The following EML6 variants were observed in gnomAD, a reference collection of about 807,000 sequenced individuals.
EML6 encodes the protein EMAP like 6.
A neutral mutation model predicts 240.1 loss-of-function variants in EML6; 154 were observed. The ratio of observed to expected loss-of-function variants is 0.64; its 90% confidence interval spans 0.56 to 0.73. EML6 has a LOEUF of 0.73. Among genes scored for constraint, EML6 ranks in the 30% least tolerant of loss-of-function variants. The pLI, the probability that EML6 is intolerant of heterozygous loss-of-function variation, is 0.00. For missense variants in EML6, 2,964 were observed against 2,474.6 expected (o/e 1.20, Z -4.20); for synonymous variants, 1,148 against 899.0 (o/e 1.28, Z -4.95).
At chr2:54,967,159 C>T (rs1266824190) in intron 39 of EML6, 56 bp downstream of exon 39, 1 of 1,151,412 alleles carries the variant, frequency 8.7e-7, no homozygotes, top group African/African-American at 1.5e-5. Context: ...TCTCTTGTCT[C>T]ACTCAGGCTC....
Position 54,891,146 on chromosome 2 carries a change from A to G in EML6, c.2531A>G (p.Gln844Arg). 2 of 1,464,528 alleles carry G rather than the reference A, an allele frequency of 1.4e-6. No individual in the cohort carries two copies. The highest frequency in any genetic ancestry group is 1.8e-6 in the Non-Finnish European group (2 of 1,081,592). The allele number at this position is 1,464,528 out of a possible 1,614,324, so 90.7% of individuals were successfully genotyped here. A position where few individuals can be genotyped will look rare whatever the true frequency, so the allele number is the denominator to read the frequency against. Residue 844 changes from glutamine (Q) to arginine (R), a missense_variant, in exon 18 of 42, where the codon CAA becomes CGA. Transcript: ENST00000356458. ...GGGATAAAACACATCAAATTCTGGC[A>G]ACAAGCAGGTACTGTCGTTTGGGTT... The part of the protein sequence containing the change: ...TVGIKHIKFW[Q>R]QAGGGFTSKR...
At position 54,964,667 on chromosome 2, in the gene EML6, C is replaced by A. The variant is rs1263681393; in HGVS notation, c.5427C>A (p.Gly1809=). Residue 1809 remains glycine, a synonymous_variant, in exon 38 of 42, where the codon GGC becomes GGA. Coordinates refer to ENST00000356458, the MANE Select transcript of EML6 (RefSeq NM_001039753.4). ...AGGGCACAAATCTGAACCGCATTGG[C>A]TACTGCAAAGATATCCCAAGCTTTG... ...LTQGTNLNRI[G]YCKDIPSFVI... is the part of the protein sequence containing the mutation. The A allele has an allele frequency of 3.2e-6, 5 of 1,552,328 alleles. No homozygotes were observed. The highest frequency in any genetic ancestry group is 1.7e-4 in the Middle Eastern group (1 of 5,998).
At chr2:54,901,291 G>C (rs1049911462) in intron 22 of EML6, among the ~76,000 whole-genome samples, 1 of 152,306 alleles carries the variant, frequency 6.6e-6, no homozygotes, top group Middle Eastern at 3.4e-3. Flanking sequence ...ATTTCCCTCT[G>C]CCGTGTTGCC....
intron 2 of EML6, among the ~76,000 whole-genome samples, chr2:54,801,986 T>C (rs2567971): frequency 0.85 from 129,662 of 152,216 alleles, 55,337 homozygotes; most frequent in Middle Eastern, 0.92. Flanking sequence ...ATGCCTGTGT[T>C]GTTGAATGTG....
intron 2 of EML6, among the ~76,000 whole-genome samples, chr2:54,769,076 T>C (rs1668305128): frequency 6.6e-6 from 1 of 152,140 alleles, no homozygotes. Flanking sequence ...TTTTGATTAA[T>C]CAAAATACAA....
chr2:54,946,251 G>T (rs1675689877), intron 28 of EML6, among the ~76,000 whole-genome samples: 1 of 151,998 alleles, frequency 6.6e-6, no homozygotes, highest in East Asian at 1.9e-4. Flanking sequence ...AGGCCCCTTT[G>T]TGTCTCTGCT....
At chr2:54,834,809 C>T (rs1669049808) in intron 7 of EML6, among the ~76,000 whole-genome samples, 1 of 152,232 alleles carries the variant, frequency 6.6e-6, no homozygotes, top group African/African-American at 2.4e-5. Flanking sequence ...CTTCTCTGGT[C>T]AGGCCACCAC....
chr2:54,823,091 A>C (rs926366931), intron 5 of EML6, among the ~76,000 whole-genome samples: 1 of 152,234 alleles, frequency 6.6e-6, no homozygotes, highest in Admixed American at 6.5e-5. Context: ...TTGAGTTTGT[A>C]CTAGGTGAAA....
intron 10 of EML6, 73 bp downstream of exon 10, chr2:54,850,291 G>T (rs927825852): frequency 1.5e-6 from 2 of 1,338,726 alleles, no homozygotes; most frequent in African/African-American, 2.9e-5. Flanking sequence ...TACAGGACAA[G>T]TGTCATGGCT....
chr2:54,914,839 A>T (rs1673826031), intron 25 of EML6, among the ~76,000 whole-genome samples: 1 of 152,206 alleles, frequency 6.6e-6, no homozygotes, highest in Admixed American at 6.5e-5. Flanking sequence ...TTACCCAGCA[A>T]ATTGTTAAAA....
intron 41 of EML6, among the ~76,000 whole-genome samples, chr2:54,969,141 A>G (rs750459932): frequency 2.6e-5 from 4 of 152,324 alleles, no homozygotes; most frequent in East Asian, 3.9e-4. Flanking sequence ...AAATTCATCT[A>G]TATGTCCTTT....
chr2:54,792,807 T>TA (rs1159146438), intron 2 of EML6, among the ~76,000 whole-genome samples: 15 of 152,332 alleles, frequency 9.8e-5, no homozygotes, highest in African/African-American at 3.6e-4. Flanking sequence ...AAGGGCCTTT[T>TA]AAGGAGATTG....
chr2:54,814,525 T>G (rs577404586), intron 3 of EML6, among the ~76,000 whole-genome samples: 166 of 152,336 alleles, frequency 1.1e-3, no homozygotes, highest in Non-Finnish European at 1.5e-3. Context: ...CCGTTTCCTG[T>G]GCCACCCTTC....
Position 54,847,522 on chromosome 2 carries a change from C to T in EML6, c.1086C>T (p.Arg362=), listed in dbSNP as rs1299399867. 2 of 1,551,914 alleles carry T rather than the reference C, an allele frequency of 1.3e-6. No homozygotes were observed. Among genetic ancestry groups the T allele is most frequent in the Non-Finnish European group, 1.7e-6 (2 of 1,147,090 alleles). Residue 362 remains arginine, a synonymous_variant, in exon 9 of 42, where the codon CGC becomes CGT. Transcript: ENST00000356458. ...WSLADHALIA[R]CNMEEAVRSV... ...TGGCTGATCATGCCTTGATCGCCCGCTGTAACATGGAAGAGGCGGTTCGCA... is the reference window on the plus strand; with the variant it reads ...TGGCTGATCATGCCTTGATCGCCCGTTGTAACATGGAAGAGGCGGTTCGCA...
chr2:54,912,059 C>A (rs372030731), intron 25 of EML6, among the ~76,000 whole-genome samples: 1 of 152,206 alleles, frequency 6.6e-6, no homozygotes, highest in Admixed American at 6.5e-5. Context: ...GCCTCTCCCT[C>A]GCTTCAGTTT....
At chr2:54,741,853 G>T (rs990046093) in intron 2 of EML6, among the ~76,000 whole-genome samples, 6 of 152,178 alleles carry the variant, frequency 3.9e-5, no homozygotes, top group Non-Finnish European at 1.5e-5. Flanking sequence ...TCCTTGTATA[G>T]AAAGCCAAGT....
At chr2:54,840,493 T>G (rs988282161) in intron 7 of EML6, among the ~76,000 whole-genome samples, 1 of 152,254 alleles carries the variant, frequency 6.6e-6, no homozygotes, top group African/African-American at 2.4e-5. Context: ...CTTTTTCAAA[T>G]GTAATCTTCA....
intron 21 of EML6, among the ~76,000 whole-genome samples, chr2:54,898,390 A>G (rs529379920): frequency 6.6e-6 from 1 of 152,298 alleles, no homozygotes; most frequent in East Asian, 1.9e-4. Flanking sequence ...AAGAGCTTCA[A>G]GCAGAGTCAG....
chr2:54,903,381 A>G lies in EML6; in HGVS notation c.3288A>G (p.Lys1096=), dbSNP rs1427481664. The G allele has an allele frequency of 1.3e-6, 2 of 1,551,476 alleles. No homozygotes were observed. The highest frequency in any genetic ancestry group is 2.4e-5 in the East Asian group (1 of 40,920). ...CATTTTTCTTAACAGATACGGGAAA[A>G]TACCTTGCCGTGGCATCCCATGATA... The part of the protein sequence containing the change: ...SDIKFSKDTG[K]YLAVASHDNF... The change falls in exon 24 of 42, where the codon AAA becomes AAG. Residue 1096 remains lysine (K), a synonymous_variant. Transcript: ENST00000356458.
Sources: gnomAD v4.1 joint callset for allele counts (sites outside exome capture counted in the v4.1 genomes callset) on GRCh38, gnomAD v4.1.1 for gene constraint, MANE v1.5 for transcripts, NCBI Gene and HGNC (gene_info 2026-07-23, HGNC 2026-07-21) for gene names.